DDX4: variants seen among roughly 807,000 people sequenced by gnomAD.
DDX4 encodes the protein DEAD-box helicase 4.
In DDX4, 25 loss-of-function variants were observed where a neutral mutation model predicts 100.0. The observed-to-expected ratio is 0.25, with a 90% CI of 0.18 to 0.35. The LOEUF (loss-of-function observed/expected upper bound fraction) is 0.35, where lower values mean the gene tolerates loss of function less well. DDX4 is among the 10% of genes least tolerant of loss of function. DDX4 has a pLI of 1.00. For synonymous variants in DDX4, 259 were observed against 275.7 expected (o/e 0.94, Z 0.60); for missense variants, 635 against 882.4 (o/e 0.72, Z 3.55).
In DDX4 at chr5:55,816,459, C is replaced by G. The variant is rs764437470; in HGVS notation, c.2098-4C>G. ...CTTTTTTTTTTTTTTTAAATAATTA[C>G]CAGGGCAAGAGCACTTTGAACACAG... On this transcript the variant is annotated splice_polypyrimidine_tract_variant and splice_region_variant and intron_variant, in intron 21 of 21. Transcript: ENST00000505374. 9 of 1,585,460 alleles carry G rather than the reference C, an allele frequency of 5.7e-6. No homozygotes were observed. Among genetic ancestry groups the G allele is most frequent in the Non-Finnish European group, 7.7e-6 (9 of 1,168,136 alleles).
At chr5:55,795,115 A>T (rs1416490314) in intron 17 of DDX4, among the ~76,000 whole-genome samples, 1 of 151,820 alleles carries the variant, frequency 6.6e-6, no homozygotes, top group African/African-American at 2.4e-5. Context: ...ACAGGCATGT[A>T]CCACCACGTC....
chr5:55,816,824 G>A lies in DDX4; in HGVS notation c.*284G>A, dbSNP rs960900028. ...TTTAGGGGGCTTAGACATGTTTAAT[G>A]TTTAAATGCCAAGTCTTACTATAGT... On this transcript the variant is annotated 3_prime_UTR_variant, in exon 22 of 22. Transcript: ENST00000505374. 5 of 336,544 alleles carry A rather than the reference G, an allele frequency of 1.5e-5. No individual in the cohort carries two copies. Among genetic ancestry groups the A allele is most frequent in the Admixed American group, 4.5e-5 (1 of 22,052 alleles). 20.8% of individuals were successfully genotyped at this position (336,544 alleles called of 1,614,324 possible).
At chr5:55,789,423 A>C (rs1414257263) in intron 15 of DDX4, among the ~76,000 whole-genome samples, 3 of 152,224 alleles carry the variant, frequency 2.0e-5, no homozygotes, top group Non-Finnish European at 4.4e-5. Flanking sequence ...ACAAGATGTC[A>C]AGGCAGTCAT....
At chr5:55,807,616 C>A (rs934753574) in intron 18 of DDX4, among the ~76,000 whole-genome samples, 2 of 152,146 alleles carry the variant, frequency 1.3e-5, no homozygotes, top group Admixed American at 6.6e-5. Flanking sequence ...TTCTGGGTTG[C>A]AGATTCTTTT....
intron 15 of DDX4, among the ~76,000 whole-genome samples, chr5:55,788,453 A>T (rs1261956639): frequency 6.6e-6 from 1 of 152,144 alleles, no homozygotes; most frequent in Non-Finnish European, 1.5e-5. Context: ...TCAGAGCGAG[A>T]CCCTGTCTCC....
At chr5:55,784,884 G>A (rs1742149372) in intron 10 of DDX4, among the ~76,000 whole-genome samples, 1 of 152,152 alleles carries the variant, frequency 6.6e-6, no homozygotes, top group African/African-American at 2.4e-5. Context: ...TTGCCTATGT[G>A]CCTTTTCTTC....
At position 55,779,980 on chromosome 5, in the gene DDX4, T is replaced by G. The variant is rs773445328; in HGVS notation, c.411T>G (p.Asn137Lys). 6 of 1,613,664 alleles carry G rather than the reference T, an allele frequency of 3.7e-6. No individual in the cohort carries two copies. The highest frequency in any genetic ancestry group is 5.1e-6 in the Non-Finnish European group (6 of 1,179,838). Residue 137 changes from asparagine to lysine, a missense_variant, in exon 8 of 22, where the codon AAT (asparagine) becomes AAG (lysine). Physicochemically the swap from Asn to Lys is moderately conservative, Grantham distance 94. This residue lies in a region of DDX4 where 446 missense variants were observed against 540.8 expected (regional missense o/e 0.82). Coordinates refer to ENST00000505374, the MANE Select transcript of DDX4 (RefSeq NM_024415.3). ...FSKRGGYRDG[N>K]NSEASGPYRR... ...ACATTATAGGCTATCGAGATGGAAA[T>G]AATTCAGAAGCTTCAGGGCCATACA...
chr5:55,813,561 G>A (rs1744234101), intron 18 of DDX4, 112 bp from the exon 19 acceptor site: 1 of 1,369,556 alleles, frequency 7.3e-7, no homozygotes, highest in Non-Finnish European at 9.5e-7. Flanking sequence ...GGTGCTGGTA[G>A]TAAATACAGT....
rs557915196 is a variant in DDX4, at chr5:55,791,997, G to T, written c.1303-644G>T. On this transcript the variant is annotated intron_variant, in intron 16 of 21. Coordinates refer to ENST00000505374, the MANE Select transcript of DDX4 (RefSeq NM_024415.3). ...AAATTAGCCAGGCATGGGGGCATGT[G>T]CCTGTAGCCCCAGCTACTTGGGAGG... is the stretch of plus-strand genomic sequence containing the variant. Among the ~76,000 whole-genome samples the T allele has an allele frequency of 2.6e-5, 4 of 152,058 alleles. No individual in the cohort carries two copies. The East Asian group carries it at 7.8e-4, about 30-fold the overall frequency.
chr5:55,770,941 A>G (rs929866995), intron 7 of DDX4, among the ~76,000 whole-genome samples: 2 of 152,176 alleles, frequency 1.3e-5, no homozygotes, highest in African/African-American at 4.8e-5. Flanking sequence ...AATTTAATTC[A>G]TATTTAAATG....
At chr5:55,812,402 A>G (rs2112192660) in intron 18 of DDX4, among the ~76,000 whole-genome samples, 1 of 152,270 alleles carries the variant, frequency 6.6e-6, no homozygotes, top group Non-Finnish European at 1.5e-5. Context: ...TCTACTAAAA[A>G]TACAAAAAAA....
intron 18 of DDX4, among the ~76,000 whole-genome samples, chr5:55,803,854 G>C (rs1383509856): frequency 1.3e-5 from 2 of 152,148 alleles, no homozygotes; most frequent in Non-Finnish European, 2.9e-5. Context: ...TAATGGGATG[G>C]CTGGGTCAAA....
intron 7 of DDX4, among the ~76,000 whole-genome samples, chr5:55,777,926 G>A (rs944890387): frequency 3.9e-5 from 6 of 152,034 alleles, no homozygotes; most frequent in Non-Finnish European, 5.9e-5. Context: ...GGAAAAATTC[G>A]CAAATCCTAG....
chr5:55,779,943 G>A (rs373976664), intron 7 of DDX4, 21 bp from the exon 8 acceptor site: 1 of 1,608,558 alleles, frequency 6.2e-7, no homozygotes, highest in African/African-American at 1.3e-5. Context: ...TGTTGTTCTT[G>A]TGTGTGTTTT....
chr5:55,789,158 G>A (rs80156702), intron 15 of DDX4, among the ~76,000 whole-genome samples: 10,464 of 152,250 alleles, frequency 0.069, 559 homozygotes, highest in African/African-American at 0.15. Context: ...TTTAAAGCTT[G>A]TAATTAATGT....
chr5:55,779,064 G>A (rs940930351), intron 7 of DDX4, among the ~76,000 whole-genome samples: 1 of 151,010 alleles, frequency 6.6e-6, no homozygotes, highest in Non-Finnish European at 1.5e-5. Context: ...GGAGTGCTCA[G>A]GGAGAAGAGA....
intron 18 of DDX4, among the ~76,000 whole-genome samples, chr5:55,803,580 GT>G (rs1389935479): frequency 2.0e-5 from 3 of 146,980 alleles, no homozygotes; most frequent in African/African-American, 7.6e-5. Flanking sequence ...GCGGTGTTTG[GT>G]TTTTTGTTCT....
intron 2 of DDX4, among the ~76,000 whole-genome samples, chr5:55,743,877 T>C (rs1255201289): frequency 6.6e-6 from 1 of 151,810 alleles, no homozygotes; most frequent in Non-Finnish European, 1.5e-5. Flanking sequence ...AGTTCTTTAG[T>C]GTAAGAGTGT....
At position 55,738,857 on chromosome 5, in the gene DDX4, C is replaced by G. The variant is rs1421486475; in HGVS notation, c.-14-93C>G. On this transcript the variant is annotated intron_variant, in intron 1 of 21. Transcript: ENST00000505374. ...GTATCAGCACCTAGTTGGGTAGTTT[C>G]AAGATGTATGTGAAACAATGAGTTT... 4 of 803,578 alleles carry G rather than the reference C, an allele frequency of 5.0e-6. No individual in the cohort carries two copies. In the African/African-American group the frequency reaches 6.9e-5, roughly 14 times the overall value. 49.8% of individuals were successfully genotyped at this position (803,578 alleles called of 1,614,324 possible).
Sources: gnomAD v4.1 joint callset for allele counts (sites outside exome capture counted in the v4.1 genomes callset) on GRCh38, gnomAD v4.1.1 for gene constraint, gnomAD v4.1.1 regional missense constraint, MANE v1.5 for transcripts, NCBI Gene and HGNC (gene_info 2026-07-23, HGNC 2026-07-21) for gene names.